ENPEP: variants seen among roughly 807,000 people sequenced by gnomAD.
The protein encoded by ENPEP is glutamyl aminopeptidase.
A neutral mutation model predicts 114.5 loss-of-function variants in ENPEP; 103 were observed. That is an observed-to-expected ratio of 0.90 (90% CI 0.77 to 1.06). The LOEUF (loss-of-function observed/expected upper bound fraction) is 1.06. Among genes scored for constraint, ENPEP ranks in the 50% least tolerant of loss-of-function variants. The pLI is 0.00. For synonymous variants in ENPEP, 420 were observed against 422.0 expected, an observed-to-expected ratio of 1.00 and a Z score of 0.06; for missense variants, 1,196 against 1,161.3, an observed-to-expected ratio of 1.03 and a Z score of -0.43.
intron 4 of ENPEP, among the ~76,000 whole-genome samples, chr4:110,508,374 G>C (rs1725448187): frequency 6.6e-6 from 1 of 151,932 alleles, no homozygotes; most frequent in Non-Finnish European, 1.5e-5. Context: ...CCTTGGGGGA[G>C]ATACTTCTCT....
intron 11 of ENPEP, among the ~76,000 whole-genome samples, chr4:110,533,951 C>G (rs1726508937): frequency 6.6e-6 from 1 of 152,166 alleles, no homozygotes; most frequent in African/African-American, 2.4e-5. Context: ...CTGCCTTTAT[C>G]TGAAACTTCA....
chr4:110,542,635 C>T (rs1726891229), intron 11 of ENPEP, 116 bp from the exon 12 acceptor site: 7 of 1,055,942 alleles, frequency 6.6e-6, no homozygotes, highest in Non-Finnish European at 9.2e-6. Flanking sequence ...ATCAAACCTG[C>T]CTCCTTGAGC....
At chr4:110,481,423 C>A (rs1055020152) in intron 1 of ENPEP, among the ~76,000 whole-genome samples, 4 of 152,040 alleles carry the variant, frequency 2.6e-5, no homozygotes, top group African/African-American at 9.7e-5. Flanking sequence ...AGTTTCCCAA[C>A]TCTCTGTGAC....
chr4:110,492,462 G>A (rs1724762817), intron 3 of ENPEP, among the ~76,000 whole-genome samples: 1 of 152,156 alleles, frequency 6.6e-6, no homozygotes, highest in South Asian at 2.1e-4. Context: ...GCTTTGGTGT[G>A]GTAGGAGTTG....
intron 8 of ENPEP, chr4:110,519,317 G>T (rs1209838431): frequency 4.2e-6 from 1 of 236,326 alleles, no homozygotes; most frequent in African/African-American, 2.2e-5. Flanking sequence ...CACTGAAGAT[G>T]GTTCCATTTT....
intron 1 of ENPEP, among the ~76,000 whole-genome samples, chr4:110,487,761 A>G (rs567349285): frequency 2.7e-5 from 4 of 147,936 alleles, no homozygotes; most frequent in Non-Finnish European, 5.9e-5. Flanking sequence ...TTTTACTGTA[A>G]TATGTTTACA....
chr4:110,524,996 C>T (rs531045712), intron 10 of ENPEP, among the ~76,000 whole-genome samples: 1 of 152,312 alleles, frequency 6.6e-6, no homozygotes, highest in South Asian at 2.1e-4. Context: ...AAGCGATCCT[C>T]CTGCCTTGGC....
At chr4:110,533,665 T>A (rs1304482320) in intron 11 of ENPEP, among the ~76,000 whole-genome samples, 4 of 152,178 alleles carry the variant, frequency 2.6e-5, no homozygotes, top group African/African-American at 9.7e-5. Flanking sequence ...AGAGGAGACG[T>A]GTGCTCTGGA....
In ENPEP at chr4:110,542,826, G is replaced by A. The variant is rs147351196; in HGVS notation, c.1883G>A (p.Arg628His). The A allele has an allele frequency of 2.3e-5, 37 of 1,612,960 alleles. No homozygotes were observed. The highest frequency in any genetic ancestry group is 9.9e-5 in the South Asian group (9 of 91,050). Residue 628 changes from arginine (R) to histidine (H), a missense_variant, in exon 12 of 20, where the codon CGT (arginine) becomes CAT (histidine). Arg to His is a conservative substitution (Grantham distance 29, BLOSUM62 0). Coordinates refer to ENST00000265162, the MANE Select transcript of ENPEP (RefSeq NM_001977.4). ...KINPDHIGFY[R>H]VNYEVATWDS... ...AACCCAGATCATATTGGGTTTTATC[G>A]TGTAAATTATGAAGTAGCAACTTGG...
At chr4:110,483,286 A>G (rs1213118937) in intron 1 of ENPEP, among the ~76,000 whole-genome samples, 1 of 152,152 alleles carries the variant, frequency 6.6e-6, no homozygotes, top group African/African-American at 2.4e-5. Flanking sequence ...TATTTAGTCT[A>G]TATAGACCCC....
chr4:110,510,611 A>G (rs77099862), intron 6 of ENPEP, among the ~76,000 whole-genome samples: 3 of 34,568 alleles, frequency 8.7e-5, no homozygotes, highest in African/African-American at 2.8e-4. Context: ...TCAAGGCAGG[A>G]AAAAAAAAAA....
Position 110,480,102 on chromosome 4 carries a change from C to T in ENPEP, c.644+3044C>T, listed in dbSNP as rs1346086974. Among the ~76,000 whole-genome samples, 5 of 152,172 alleles carry T rather than the reference C, an allele frequency of 3.3e-5. No homozygotes were observed. The East Asian group carries it at 5.8e-4, about 18-fold the overall frequency. On this transcript the variant is annotated intron_variant, in intron 1 of 19. Transcript: ENST00000265162. ...AACATCGGTGAGGAAGGCTGATGCTCAGTTCAGTTCTCACTGAGGATTGGT... is the reference window on the plus strand; with the variant it reads ...AACATCGGTGAGGAAGGCTGATGCTTAGTTCAGTTCTCACTGAGGATTGGT...
At chr4:110,491,235 G>GT (rs34911204) in intron 3 of ENPEP, 71 bp downstream of exon 3, 81,338 of 1,029,554 alleles carry the variant, frequency 0.079, 9 homozygotes, top group South Asian at 0.094. Flanking sequence ...TTTTTGGGTA[G>GT]TTTTTTTTTT....
chr4:110,541,897 A>C (rs1290208567), intron 11 of ENPEP, among the ~76,000 whole-genome samples: 1 of 152,164 alleles, frequency 6.6e-6, no homozygotes, highest in Non-Finnish European at 1.5e-5. Flanking sequence ...GCTAACGAAC[A>C]TGGTTATATC....
rs991438298 is a variant in ENPEP, at chr4:110,564,228, G to T, written c.*2670G>T. On this transcript the variant is annotated 3_prime_UTR_variant, in exon 20 of 20. Transcript: ENST00000265162. ...GATAAATTGAGATGGAGAAGTTATA[G>T]AACTTGCACAAGGCTACAAAAGTTG... 2 of 152,112 alleles carry T rather than the reference G, an allele frequency of 1.3e-5. No individual in the cohort carries two copies. Among genetic ancestry groups the T allele is most frequent in the Non-Finnish European group, 2.9e-5 (2 of 68,020 alleles). The allele number at this position is 152,112 out of a possible 1,614,324, so 9.4% of individuals were successfully genotyped here.
chr4:110,492,535 G>C (rs1019435557), intron 3 of ENPEP, among the ~76,000 whole-genome samples: 3 of 152,168 alleles, frequency 2.0e-5, no homozygotes, highest in African/African-American at 7.2e-5. Flanking sequence ...AAATTATAGC[G>C]AGTGGGGGAT....
At chr4:110,508,536 G>A (rs1437266070) in intron 4 of ENPEP, among the ~76,000 whole-genome samples, 2 of 152,228 alleles carry the variant, frequency 1.3e-5, no homozygotes, top group South Asian at 4.1e-4. Context: ...TTTTGGCTGG[G>A]TGCGGTGGCT....
chr4:110,549,928 T>C, intron 17 of ENPEP, 42 bp downstream of exon 17: 1 of 1,512,796 alleles, frequency 6.6e-7, no homozygotes. Context: ...TAGTATTTAA[T>C]AGTTTATGTG....
chr4:110,482,204 T>C (rs1379061753), intron 1 of ENPEP, among the ~76,000 whole-genome samples: 1 of 152,152 alleles, frequency 6.6e-6, no homozygotes, highest in Non-Finnish European at 1.5e-5. Context: ...AAGGATCAGA[T>C]AGGAAACGTG....
Sources: gnomAD v4.1 joint callset for allele counts (sites outside exome capture counted in the v4.1 genomes callset) on GRCh38, gnomAD v4.1.1 for gene constraint, MANE v1.5 for transcripts, NCBI Gene and HGNC (gene_info 2026-07-23, HGNC 2026-07-21) for gene names.